Variants in FNDC1 observed in about 807,000 individuals in gnomAD.
FNDC1 encodes fibronectin type III domain-containing protein 1.
Under a neutral mutation model 168.0 loss-of-function variants are expected in FNDC1, and 96 were observed. The observed-to-expected ratio is 0.57, with a 90% CI of 0.48 to 0.68. The LOEUF (loss-of-function observed/expected upper bound fraction) is 0.68. Among genes scored for constraint, FNDC1 ranks in the 30% least tolerant of loss-of-function variants. The pLI is 0.00. For synonymous variants in FNDC1, 1,099 were observed against 1,025.9 expected (o/e 1.07, Z -1.36); for missense variants, 2,587 against 2,482.1 (o/e 1.04, Z -0.90).
chr6:159,172,739 A>C (rs1321197484), intron 1 of FNDC1, among the ~76,000 whole-genome samples: 1 of 152,242 alleles, frequency 6.6e-6, no homozygotes. Flanking sequence ...ATGATTTCAG[A>C]TTCTAAGAAT....
intron 17 of FNDC1, among the ~76,000 whole-genome samples, chr6:159,254,049 G>A (rs1218990399): frequency 6.6e-6 from 1 of 152,206 alleles, no homozygotes; most frequent in Non-Finnish European, 1.5e-5. Context: ...GAACAGTGTG[G>A]GGAGGGCTCC....
chr6:159,240,882 A>G (rs2115002825), intron 14 of FNDC1: 2 of 152,350 alleles, frequency 1.3e-5, no homozygotes, highest in Middle Eastern at 6.8e-3. Flanking sequence ...ATAAAGCTTA[A>G]GTCTTTTTAA....
intron 5 of FNDC1, chr6:159,218,735 G>A (rs905018264): frequency 2.6e-5 from 4 of 152,256 alleles, no homozygotes; most frequent in Non-Finnish European, 4.4e-5. Flanking sequence ...GCGATCCCAG[G>A]GAGGCACCAG....
chr6:159,208,237 GT>G (rs1782528607), intron 4 of FNDC1, among the ~76,000 whole-genome samples: 1 of 152,226 alleles, frequency 6.6e-6, no homozygotes, highest in Non-Finnish European at 1.5e-5. Context: ...CCAAGCTGCT[GT>G]TGCAGATGGC....
intron 14 of FNDC1, among the ~76,000 whole-genome samples, chr6:159,243,729 C>CT (rs922710447): frequency 2.0e-4 from 30 of 148,322 alleles, no homozygotes; most frequent in South Asian, 8.5e-4. Context: ...AGGTGGTCAA[C>CT]TTTTTTTTTT....
intron 4 of FNDC1, among the ~76,000 whole-genome samples, chr6:159,208,644 C>T (rs116432990): frequency 0.015 from 2,290 of 152,192 alleles, 59 homozygotes; most frequent in African/African-American, 0.052. Context: ...GGATCAATAC[C>T]AAAGTCAGCT....
At chr6:159,180,110 C>T (rs1046488439) in intron 1 of FNDC1, among the ~76,000 whole-genome samples, 13 of 152,118 alleles carry the variant, frequency 8.5e-5, no homozygotes, top group Admixed American at 3.3e-4. Flanking sequence ...CTTGCAGCTC[C>T]GGAGCTGGAA....
intron 17 of FNDC1, among the ~76,000 whole-genome samples, chr6:159,251,804 C>A (rs1453495927): frequency 6.6e-6 from 1 of 152,128 alleles, no homozygotes; most frequent in Non-Finnish European, 1.5e-5. Context: ...GAGCTCAGTA[C>A]TTCATCTTTC....
intron 18 of FNDC1, 142 bp downstream of exon 18, chr6:159,256,773 A>G (rs1480166418): frequency 3.0e-6 from 2 of 665,046 alleles, no homozygotes; most frequent in African/African-American, 1.8e-5. Context: ...ATGTCAATGC[A>G]TGCTTACCAT....
intron 14 of FNDC1, among the ~76,000 whole-genome samples, 152 bp from the exon 15 acceptor site, chr6:159,246,749 T>G (rs1777144164): frequency 6.6e-6 from 1 of 152,170 alleles, no homozygotes; most frequent in African/African-American, 2.4e-5. Flanking sequence ...TTGATGATTT[T>G]CCTCCTGAAA....
In FNDC1 at chr6:159,233,019, G is replaced by C. The variant is rs750480376; in HGVS notation, c.2507G>C (p.Ser836Thr). 1 of 1,612,544 alleles carries C rather than the reference G, an allele frequency of 6.2e-7. No homozygotes were observed. The highest frequency in any genetic ancestry group is 8.5e-7 in the Non-Finnish European group (1 of 1,179,548). ...AANGRSPSRFSIGRGPRLQPS... is the reference protein window; with the variant it reads ...AANGRSPSRFTIGRGPRLQPS... ...AACGGGAGGTCTCCAAGCAGGTTCAGCATTGGGCGGGGACCTCGGCTGCAG... is the reference window on the plus strand; with the variant it reads ...AACGGGAGGTCTCCAAGCAGGTTCACCATTGGGCGGGGACCTCGGCTGCAG... The change falls in exon 11 of 23, where the codon AGC becomes ACC. Residue 836 changes from serine to threonine, a missense_variant. Transcript: ENST00000297267. This position sits in a 1 kb window ranked among gnomAD's most constrained non-coding sequence, Gnocchi z 4.6.
At chr6:159,210,027 T>C (rs1043582624) in intron 4 of FNDC1, among the ~76,000 whole-genome samples, 1 of 152,160 alleles carries the variant, frequency 6.6e-6, no homozygotes, top group Admixed American at 6.6e-5. Context: ...ACTGAGCAGA[T>C]CTTGATGGGA....
At chr6:159,204,704 C>G (rs1782453838) in intron 4 of FNDC1, among the ~76,000 whole-genome samples, 2 of 152,216 alleles carry the variant, frequency 1.3e-5, no homozygotes, top group African/African-American at 4.8e-5. Context: ...GATGGCTGGG[C>G]TTTGTGAGAC....
rs1384455604 is a variant in FNDC1, at chr6:159,271,850, T to C, written c.*408T>C. 1.3e-5 allele frequency: 2 copies of C among 157,648 alleles called. No individual in the cohort carries two copies. The highest frequency in any genetic ancestry group is 2.8e-5 in the Non-Finnish European group (2 of 71,218). The allele number at this position is 157,648 out of a possible 1,614,324, so 9.8% of individuals were successfully genotyped here. The stretch of plus-strand genomic sequence containing the variant: ...TGCTTTCTGTTTTTCTCATTTTGGA[T>C]TTCTCCAAAACTAACTGAATTTAAG... On this transcript the variant is annotated 3_prime_UTR_variant, in exon 23 of 23. Coordinates refer to ENST00000297267, the MANE Select transcript of FNDC1 (RefSeq NM_032532.3).
At chr6:159,184,786 G>C (rs1781957885) in intron 1 of FNDC1, among the ~76,000 whole-genome samples, 2 of 152,150 alleles carry the variant, frequency 1.3e-5, no homozygotes, top group Non-Finnish European at 2.9e-5. Context: ...GCTGAGACTA[G>C]CTGGACTAGC....
At position 159,255,616 on chromosome 6, in the gene FNDC1, A is replaced by G. The variant is rs553038959; in HGVS notation, c.5066-907A>G. On this transcript the variant is annotated intron_variant, in intron 17 of 22. Transcript: ENST00000297267. Reference sequence around the variant, plus strand: ...TTGTTTAATGAATCAATACTTGTGAACTTAGACAAGATATTTAACCTATTG... The same window carrying G: ...TTGTTTAATGAATCAATACTTGTGAGCTTAGACAAGATATTTAACCTATTG... 2.0e-5 allele frequency among the ~76,000 whole-genome samples: 3 copies of G among 152,344 alleles called. No individual in the cohort carries two copies. The South Asian group carries it at 6.2e-4, about 32-fold the overall frequency.
chr6:159,261,153 C>A, intron 18 of FNDC1, 37 bp from the exon 19 acceptor site: 1 of 1,494,486 alleles, frequency 6.7e-7, no homozygotes, highest in Non-Finnish European at 9.3e-7. Flanking sequence ...AAATCAAATA[C>A]ATGTCTCTTT....
intron 1 of FNDC1, among the ~76,000 whole-genome samples, chr6:159,191,266 C>T (rs540272423): frequency 4.6e-5 from 7 of 152,254 alleles, no homozygotes; most frequent in African/African-American, 1.7e-4. Flanking sequence ...CAAACCATAT[C>T]ACTATAAGAG....
At chr6:159,268,821 CATCTATCTATCTATCTATCT>C (rs59375644) in intron 22 of FNDC1, among the ~76,000 whole-genome samples, 28 of 145,960 alleles carry the variant, frequency 1.9e-4, no homozygotes, top group Admixed American at 2.7e-4. Context: ...TCTATCTATT[CATCTATCTATCTATCTATCT>C]ATCTATCTAT....
Sources: gnomAD v4.1 joint callset for allele counts (sites outside exome capture counted in the v4.1 genomes callset) on GRCh38, gnomAD v4.1.1 for gene constraint, Gnocchi (gnomAD v3.1) non-coding constraint, MANE v1.5 for transcripts, NCBI Gene and HGNC (gene_info 2026-07-23, HGNC 2026-07-21) for gene names.